The following ZNF331 variants were observed in gnomAD, a reference collection of about 807,000 sequenced individuals.
The protein encoded by ZNF331 is C2H2-like zinc finger protein rearranged in thyroid adenomas.
ZNF331 carries 2 observed loss-of-function variants against 7.0 expected under a neutral mutation model. The ratio of observed to expected loss-of-function variants is 0.29; its 90% CI spans 0.12 to 0.90. The LOEUF (loss-of-function observed/expected upper bound fraction) is 0.90. Ranked by LOEUF, ZNF331 falls within the 40% of genes least tolerant of loss-of-function variation. The pLI is 0.58. For missense variants in ZNF331, 432 were observed against 587.7 expected, an observed-to-expected ratio of 0.74 and a Z score of 2.74; for synonymous variants, 196 against 205.4, an observed-to-expected ratio of 0.95 and a Z score of 0.39.
chr19:53,514,511 T>A, the ZNF331 span, among the ~76,000 whole-genome samples: 3 of 152,130 alleles, frequency 2.0e-5, no homozygotes, highest in Non-Finnish European at 4.4e-5. Context: ...CTAACTAATA[T>A]ATTTTAAATA....
chr19:53,540,376 G>A (rs944681151), intron 2 of ZNF331, among the ~76,000 whole-genome samples: 1 of 152,138 alleles, frequency 6.6e-6, no homozygotes, highest in Non-Finnish European at 1.5e-5. Context: ...TGTGTGCTTG[G>A]AGGCTCTTTG....
chr19:53,560,258 A>C lies in ZNF331; in HGVS notation c.-74+4350A>C, dbSNP rs2089796905. Among the ~76,000 whole-genome samples the C allele has an allele frequency of 6.6e-6, 1 of 151,636 alleles. No individual in the cohort carries two copies. Among genetic ancestry groups the C allele is most frequent in the South Asian group, 2.1e-4 (1 of 4,802 alleles). On this transcript the variant is annotated intron_variant, in intron 3 of 5. Transcript: ENST00000449416. This position sits in a 1 kb window ranked among gnomAD's most constrained non-coding sequence, Gnocchi z 4.3. The stretch of plus-strand genomic sequence containing the variant: ...CACACCATATATACACACACCATGC[A>C]CCCACATATATACACACACCATATA...
chr19:53,544,467 C>A (rs532827508), intron 2 of ZNF331, among the ~76,000 whole-genome samples: 2,400 of 150,396 alleles, frequency 0.016, 51 homozygotes, highest in African/African-American at 0.054. Flanking sequence ...ATGGCGTGAA[C>A]CCAGGAGACA....
the ZNF331 span, among the ~76,000 whole-genome samples, chr19:53,510,497 T>C: frequency 1.3e-5 from 2 of 151,710 alleles, no homozygotes; most frequent in East Asian, 3.9e-4. Context: ...CTATGTGTTG[T>C]AAAGAATCGA....
chr19:53,532,701 C>G (rs897080660), intron 2 of ZNF331, among the ~76,000 whole-genome samples: 7 of 152,178 alleles, frequency 4.6e-5, no homozygotes, highest in Non-Finnish European at 8.8e-5. Flanking sequence ...TCTTTTTACT[C>G]ATTACTGATG....
chr19:53,566,832 T>G (rs1313767162), intron 3 of ZNF331, among the ~76,000 whole-genome samples: 1 of 152,046 alleles, frequency 6.6e-6, no homozygotes, highest in East Asian at 1.9e-4. Flanking sequence ...TTTTTCTTTC[T>G]GTTTCTCTGT....
At chr19:53,535,862 G>A (rs898242978), upstream of ZNF331, among the ~76,000 whole-genome samples, 1 of 150,830 alleles carries the variant, frequency 6.6e-6, no homozygotes, top group Non-Finnish European at 1.5e-5. Context: ...CTGGAGTGCA[G>A]TGGCGCAATC....
chr19:53,507,723 G>T, the ZNF331 span, among the ~76,000 whole-genome samples: 1 of 152,158 alleles, frequency 6.6e-6, no homozygotes, highest in Non-Finnish European at 1.5e-5. Flanking sequence ...TTGGGGCCAG[G>T]TGTGGGGGCT....
chr19:53,565,519 T>C (rs1379869389), intron 3 of ZNF331, among the ~76,000 whole-genome samples: 2 of 151,910 alleles, frequency 1.3e-5, no homozygotes, highest in South Asian at 2.1e-4. Context: ...CTTTATCCTT[T>C]TTTATTTTTA....
chr19:53,522,994 T>C (rs1199692564), intron 2 of ZNF331, among the ~76,000 whole-genome samples: 1 of 152,216 alleles, frequency 6.6e-6, no homozygotes, highest in Non-Finnish European at 1.5e-5. Context: ...TTTGGTCTTT[T>C]GTTTATTTTT....
At chr19:53,575,328 G>C (rs1417661279) in intron 5 of ZNF331, among the ~76,000 whole-genome samples, 3 of 152,004 alleles carry the variant, frequency 2.0e-5, no homozygotes, top group African/African-American at 7.2e-5. Context: ...TGAACTTATA[G>C]ATTTAAACGT....
chr19:53,548,943 G>C (rs892119848), intron 2 of ZNF331, among the ~76,000 whole-genome samples: 2 of 151,668 alleles, frequency 1.3e-5, no homozygotes, highest in African/African-American at 4.8e-5. Context: ...CACCTCCCAG[G>C]TTCAAGTGAT....
chr19:53,544,347 C>A (rs551121932), intron 2 of ZNF331, among the ~76,000 whole-genome samples: 2 of 151,230 alleles, frequency 1.3e-5, no homozygotes, highest in East Asian at 2.0e-4. Flanking sequence ...AGATGGAGAC[C>A]ATCCTGGCTA....
chr19:53,520,752 C>T (rs1355688337), upstream of ZNF331, among the ~76,000 whole-genome samples: 2 of 152,196 alleles, frequency 1.3e-5, no homozygotes, highest in Admixed American at 1.3e-4. Context: ...GGGCGCCCTT[C>T]CAGATACGTC....
the ZNF331 span, among the ~76,000 whole-genome samples, chr19:53,508,802 A>G: frequency 6.6e-6 from 1 of 152,316 alleles, no homozygotes; most frequent in East Asian, 1.9e-4. Flanking sequence ...TTATACAAAA[A>G]TCTTTATCCC....
chr19:53,551,154 C>A (rs2088983074), intron 2 of ZNF331, among the ~76,000 whole-genome samples: 1 of 152,104 alleles, frequency 6.6e-6, no homozygotes, highest in East Asian at 1.9e-4. Flanking sequence ...AATTAGGACT[C>A]CCTTAACTTT....
chr19:53,525,240 C>A (rs2087247825), intron 2 of ZNF331, among the ~76,000 whole-genome samples: 1 of 152,172 alleles, frequency 6.6e-6, no homozygotes, highest in African/African-American at 2.4e-5. Context: ...ATTGTCTTAG[C>A]AATGCGGGCT....
At chr19:53,516,945 A>G (rs1200151299), upstream of ZNF331, among the ~76,000 whole-genome samples, 1 of 152,204 alleles carries the variant, frequency 6.6e-6, no homozygotes, top group African/African-American at 2.4e-5. Context: ...GAATTTGTAT[A>G]CCAAATTTTA....
At chr19:53,548,070 C>G (rs1326921306) in intron 2 of ZNF331, among the ~76,000 whole-genome samples, 1 of 152,068 alleles carries the variant, frequency 6.6e-6, no homozygotes, top group Non-Finnish European at 1.5e-5. Context: ...GCTGGGACTA[C>G]AGGCACATGC....
Sources: gnomAD v4.1 joint callset for allele counts (sites outside exome capture counted in the v4.1 genomes callset) on GRCh38, gnomAD v4.1.1 for gene constraint, Gnocchi (gnomAD v3.1) non-coding constraint, MANE v1.5 for transcripts, NCBI Gene and HGNC (gene_info 2026-07-23, HGNC 2026-07-21) for gene names.